ST8SIA1: variants seen among roughly 807,000 people sequenced by gnomAD.
ST8SIA1 encodes the protein ST8 alpha-N-acetyl-neuraminide alpha-2,8-sialyltransferase 1, also known as alpha-N-acetylneuraminide alpha-2,8-sialyltransferase.
Under a neutral mutation model 35.9 loss-of-function variants are expected in ST8SIA1, and 16 were observed. That is an observed-to-expected ratio of 0.45 (90% CI 0.30 to 0.68). ST8SIA1 has a LOEUF of 0.68. ST8SIA1 is among the 30% of genes least tolerant of loss of function. ST8SIA1 has a pLI of 0.09. For synonymous variants in ST8SIA1, 170 were observed against 169.6 expected (o/e 1.00, Z -0.02); for missense variants, 383 against 453.6 (o/e 0.84, Z 1.41).
chr12:22,202,691 A>G (rs748189272), intron 4 of ST8SIA1, among the ~76,000 whole-genome samples: 5 of 152,236 alleles, frequency 3.3e-5, no homozygotes, highest in Non-Finnish European at 7.3e-5. Flanking sequence ...AGTACAATAG[A>G]ATGTTCTAAA....
At chr12:22,236,654 C>A (rs1865479068) in intron 4 of ST8SIA1, among the ~76,000 whole-genome samples, 1 of 152,168 alleles carries the variant, frequency 6.6e-6, no homozygotes, top group Non-Finnish European at 1.5e-5. Flanking sequence ...CCACTGGGTG[C>A]AACCCACTCT....
chr12:22,253,798 G>A (rs984139618), intron 3 of ST8SIA1, among the ~76,000 whole-genome samples: 3 of 152,150 alleles, frequency 2.0e-5, no homozygotes, highest in Non-Finnish European at 2.9e-5. Flanking sequence ...AAGGAAAGGT[G>A]GGTATAGAAG....
chr12:22,238,280 T>C (rs1255289494), intron 4 of ST8SIA1, among the ~76,000 whole-genome samples: 2 of 152,316 alleles, frequency 1.3e-5, no homozygotes, highest in South Asian at 4.1e-4. Context: ...ACACTTCCCA[T>C]GTAAGGCTAT....
At chr12:22,323,241 T>A (rs1450444115) in intron 1 of ST8SIA1, among the ~76,000 whole-genome samples, 1 of 152,212 alleles carries the variant, frequency 6.6e-6, no homozygotes, top group Non-Finnish European at 1.5e-5. Flanking sequence ...TAAATCCACC[T>A]AAGGGAAATT....
At chr12:22,229,551 G>T (rs1027404176) in intron 4 of ST8SIA1, among the ~76,000 whole-genome samples, 1 of 147,870 alleles carries the variant, frequency 6.8e-6, no homozygotes, top group African/African-American at 2.5e-5. Context: ...AGGCGGTCGA[G>T]TCTGCAGTCA....
At chr12:22,311,280 C>T (rs980901232) in intron 1 of ST8SIA1, among the ~76,000 whole-genome samples, 4 of 152,054 alleles carry the variant, frequency 2.6e-5, no homozygotes, top group African/African-American at 4.8e-5. Context: ...CTTATCAGTA[C>T]TTGGAAGAGG....
At chr12:22,264,257 C>T (rs1365558167) in intron 2 of ST8SIA1, among the ~76,000 whole-genome samples, 2 of 152,062 alleles carry the variant, frequency 1.3e-5, no homozygotes, top group Admixed American at 6.6e-5. Flanking sequence ...ATTGCACTGC[C>T]CTGCTCCAGG....
At chr12:22,267,343 A>T (rs988891307) in intron 2 of ST8SIA1, among the ~76,000 whole-genome samples, 1 of 152,232 alleles carries the variant, frequency 6.6e-6, no homozygotes, top group Non-Finnish European at 1.5e-5. Context: ...ATTTAAAAAA[A>T]AGCATGTCCA....
At chr12:22,213,245 G>A (rs1865194736) in intron 4 of ST8SIA1, among the ~76,000 whole-genome samples, 1 of 152,158 alleles carries the variant, frequency 6.6e-6, no homozygotes, top group Non-Finnish European at 1.5e-5. Context: ...AAGTGAATTT[G>A]AGAAATATCT....
intron 4 of ST8SIA1, among the ~76,000 whole-genome samples, chr12:22,225,933 A>G (rs980849131): frequency 6.6e-6 from 1 of 152,202 alleles, no homozygotes; most frequent in Non-Finnish European, 1.5e-5. Context: ...CATGTATATC[A>G]GCAAACACTA....
chr12:22,320,743 G>A (rs1404379105), intron 1 of ST8SIA1, among the ~76,000 whole-genome samples: 4 of 151,334 alleles, frequency 2.6e-5, no homozygotes, highest in African/African-American at 9.7e-5. Context: ...GCTGAGTCAG[G>A]AGGTTTCCTT....
intron 2 of ST8SIA1, among the ~76,000 whole-genome samples, chr12:22,281,045 G>A (rs1323106964): frequency 6.6e-6 from 1 of 152,016 alleles, no homozygotes; most frequent in Non-Finnish European, 1.5e-5. Context: ...CTGTAAAATT[G>A]ATTTCACCCT....
intron 4 of ST8SIA1, among the ~76,000 whole-genome samples, chr12:22,239,982 G>T (rs977518283): frequency 1.3e-5 from 2 of 151,822 alleles, no homozygotes; most frequent in Non-Finnish European, 2.9e-5. Context: ...TTTTTTTTGT[G>T]GGGAAGGTGG....
chr12:22,208,527 A>C (rs1051532010), intron 4 of ST8SIA1, among the ~76,000 whole-genome samples: 2 of 152,278 alleles, frequency 1.3e-5, no homozygotes, highest in Admixed American at 6.5e-5. Flanking sequence ...TTATGTGGAC[A>C]ATAAGGAATA....
At chr12:22,205,504 T>G (rs189426399) in intron 4 of ST8SIA1, among the ~76,000 whole-genome samples, 8 of 152,280 alleles carry the variant, frequency 5.3e-5, no homozygotes, top group Admixed American at 3.3e-4. Context: ...ACCAATAAGA[T>G]TTTTTAAATT....
intron 1 of ST8SIA1, among the ~76,000 whole-genome samples, chr12:22,331,742 G>A (rs955579399): frequency 6.6e-6 from 1 of 152,174 alleles, no homozygotes; most frequent in Non-Finnish European, 1.5e-5. Flanking sequence ...AAAATGTCTT[G>A]TCCCTGTTCA....
At chr12:22,286,563 C>T in intron 2 of ST8SIA1, 1 of 505,728 alleles carries the variant, frequency 2.0e-6, no homozygotes, top group Non-Finnish European at 3.9e-6. Flanking sequence ...CTCTTGCTGC[C>T]TACATGTATA....
At chr12:22,325,536 T>C in intron 1 of ST8SIA1, 1 of 700,114 alleles carries the variant, frequency 1.4e-6, no homozygotes, top group South Asian at 1.5e-5. Flanking sequence ...ACAGTCAAAC[T>C]GTAAGCCTTG....
Position 22,193,995 on chromosome 12 carries a change from T to C in ST8SIA1, c.*7557A>G, listed in dbSNP as rs1037412051. ...TTAAAGAGACCAAAAAGACACCTTTTTCCCCAGTGCTTTTTAGACTGACTA... is the reference window on the plus strand; with the variant it reads ...TTAAAGAGACCAAAAAGACACCTTTCTCCCCAGTGCTTTTTAGACTGACTA... On this transcript the variant is annotated 3_prime_UTR_variant, in exon 5 of 5. Transcript: ENST00000396037. 6.6e-6 allele frequency: 1 copy of C among 152,218 alleles called. No homozygotes were observed. Among genetic ancestry groups the C allele is most frequent in the Admixed American group, 6.5e-5 (1 of 15,278 alleles). The allele number at this position is 152,218 out of a possible 1,614,324, so 9.4% of individuals were successfully genotyped here. A position where few individuals can be genotyped will look rare whatever the true frequency, so the allele number is the denominator to read the frequency against.
Sources: allele counts gnomAD v4.1 joint callset (sites outside exome capture counted in the v4.1 genomes callset), GRCh38; gene constraint gnomAD v4.1.1; transcripts MANE v1.5; gene names NCBI Gene and HGNC (gene_info 2026-07-23, HGNC 2026-07-21).